UBE2U: variants seen among roughly 807,000 people sequenced by gnomAD.
UBE2U encodes ubiquitin conjugating enzyme E2 U, also known as ubiquitin-conjugating enzyme E2 U.
UBE2U carries 39 observed loss-of-function variants against 41.2 expected under a neutral mutation model. The ratio of observed to expected loss-of-function variants is 0.95; its 90% CI spans 0.73 to 1.24. The LOEUF (loss-of-function observed/expected upper bound fraction) is 1.24. UBE2U is among the 50% of genes most tolerant of loss of function. The probability of loss-of-function intolerance (pLI) is 0.00; values close to 1 mark genes in which losing one functional copy is unlikely to be tolerated. For missense variants in UBE2U, 336 were observed against 363.1 expected (o/e 0.93, Z 0.61); for synonymous variants, 107 against 117.8 (o/e 0.91, Z 0.60).
At chr1:64,245,682 T>A (rs1473639249) in intron 8 of UBE2U, among the ~76,000 whole-genome samples, 1 of 152,106 alleles carries the variant, frequency 6.6e-6, no homozygotes. Flanking sequence ...TAACCCACAA[T>A]AATACCCATC....
At chr1:64,262,784 C>G (rs1190154875) in intron 9 of UBE2U, among the ~76,000 whole-genome samples, 1 of 152,168 alleles carries the variant, frequency 6.6e-6, no homozygotes, top group African/African-American at 2.4e-5. Context: ...GGAGTTTACA[C>G]TCAGGTGTAA....
chr1:64,255,005 A>T (rs568399463), intron 8 of UBE2U, among the ~76,000 whole-genome samples: 1 of 152,172 alleles, frequency 6.6e-6, no homozygotes, highest in East Asian at 1.9e-4. Context: ...AAAAAAAATT[A>T]ATAAAATAGA....
intron 7 of UBE2U, among the ~76,000 whole-genome samples, chr1:64,237,937 T>G (rs985489815): frequency 6.6e-6 from 1 of 152,176 alleles, no homozygotes; most frequent in Non-Finnish European, 1.5e-5. Flanking sequence ...TATCCTTAAA[T>G]AGAAACCTCA....
At chr1:64,209,633 A>G (rs1207668011) in intron 3 of UBE2U, among the ~76,000 whole-genome samples, 1 of 152,162 alleles carries the variant, frequency 6.6e-6, no homozygotes, top group African/African-American at 2.4e-5. Flanking sequence ...ATAATTACAT[A>G]TGAACTTGAG....
rs149074168 is a variant in UBE2U at position 64,263,099 on chromosome 1, A to G, written c.769+2405A>G. ...TGGAAGAGACAACATTTTAAGTTTA[A>G]TGTCCAGAAACTGGTTAGCGCTCCA... is the stretch of plus-strand genomic sequence containing the variant. On this transcript the variant is annotated intron_variant, in intron 9 of 9. Transcript: ENST00000371077. 9.1e-4 allele frequency among the ~76,000 whole-genome samples: 138 copies of G among 152,316 alleles called. 1 individual carries two copies. The highest frequency in any genetic ancestry group is 1.7e-3 in the Non-Finnish European group (113 of 68,032).
chr1:64,251,632 C>T (rs1249377321), intron 8 of UBE2U, among the ~76,000 whole-genome samples: 1 of 152,078 alleles, frequency 6.6e-6, no homozygotes, highest in Non-Finnish European at 1.5e-5. Flanking sequence ...ATCCCCACCC[C>T]AAGACAAGGG....
intron 9 of UBE2U, among the ~76,000 whole-genome samples, chr1:64,262,657 G>A (rs1645195541): frequency 6.6e-6 from 1 of 152,212 alleles, no homozygotes; most frequent in Non-Finnish European, 1.5e-5. Context: ...TTTAGAGCAA[G>A]TCTGATAGCA....
chr1:64,257,442 C>T (rs553936978), intron 8 of UBE2U, among the ~76,000 whole-genome samples: 10 of 152,144 alleles, frequency 6.6e-5, no homozygotes, highest in Middle Eastern at 3.4e-3. Flanking sequence ...CAAAAAAGAA[C>T]GAGATCATGT....
At chr1:64,225,452 T>C (rs904865901) in intron 6 of UBE2U, among the ~76,000 whole-genome samples, 1 of 152,224 alleles carries the variant, frequency 6.6e-6, no homozygotes, top group African/African-American at 2.4e-5. Context: ...AATTTTATTA[T>C]ACCAGGTAAG....
At chr1:64,239,460 C>T (rs1644795984) in intron 7 of UBE2U, among the ~76,000 whole-genome samples, 1 of 151,818 alleles carries the variant, frequency 6.6e-6, no homozygotes, top group South Asian at 2.1e-4. Context: ...TGTTGGTGTG[C>T]TGCACCCATT....
intron 8 of UBE2U, among the ~76,000 whole-genome samples, chr1:64,246,473 C>A (rs959887113): frequency 6.6e-6 from 1 of 152,092 alleles, no homozygotes; most frequent in South Asian, 2.1e-4. Flanking sequence ...GTATTTAATG[C>A]ATTTTTTAAG....
At position 64,221,053 on chromosome 1, in the gene UBE2U, A is replaced by G. The variant is rs560788368; in HGVS notation, c.506+146A>G. Reference sequence around the variant, plus strand: ...TCTTTTTAAAATATTGTTTTCAGAAAGAACATGGAAAATTTTGAATTCTTT... The same window carrying G: ...TCTTTTTAAAATATTGTTTTCAGAAGGAACATGGAAAATTTTGAATTCTTT... On this transcript the variant is annotated intron_variant, in intron 6 of 9. Coordinates refer to ENST00000371077, the MANE Select transcript of UBE2U (RefSeq NM_001366232.2). The G allele has an allele frequency of 1.3e-4, 79 of 595,968 alleles. No homozygotes were observed. The African/African-American group carries it at 1.3e-3, about 10-fold the overall frequency. The allele number at this position is 595,968 out of a possible 1,614,324, so 36.9% of individuals were successfully genotyped here. A position where few individuals can be genotyped will look rare whatever the true frequency, so the allele number is the denominator to read the frequency against.
At chr1:64,241,464 T>C (rs1241369361) in intron 7 of UBE2U, among the ~76,000 whole-genome samples, 188 bp from the exon 8 acceptor site, 2 of 152,280 alleles carry the variant, frequency 1.3e-5, no homozygotes, top group Middle Eastern at 3.4e-3. Context: ...CAATATCTAA[T>C]ATTATGATGT....
At chr1:64,227,550 C>T (rs987740274) in intron 6 of UBE2U, among the ~76,000 whole-genome samples, 5 of 152,040 alleles carry the variant, frequency 3.3e-5, no homozygotes, top group Non-Finnish European at 5.9e-5. Flanking sequence ...GCCTGTAATC[C>T]CACCACTTTG....
Position 64,204,448 on chromosome 1 carries a change from T to C in UBE2U, c.66+332T>C, listed in dbSNP as rs910211701. 3.9e-5 allele frequency among the ~76,000 whole-genome samples: 6 copies of C among 152,302 alleles called. 1 individual carries two copies. The highest frequency in any genetic ancestry group is 1.4e-4 in the African/African-American group (6 of 41,562). ...TTATAATACTATACAATAAGTAGTA[T>C]TTCATTTTACTTACCAAAAACCTAA... On this transcript the variant is annotated intron_variant, in intron 1 of 9. Transcript: ENST00000371077.
At chr1:64,237,304 G>GAAAAAAAAAAA (rs35861714) in intron 7 of UBE2U, among the ~76,000 whole-genome samples, 1 of 95,766 alleles carries the variant, frequency 1.0e-5, no homozygotes, top group Admixed American at 1.2e-4. Flanking sequence ...ATGTATCATA[G>GAAAAAAAAAAA]AAAAAAAAAA....
chr1:64,239,098 A>AAGAAGAAGAAGAAGAAGAAGAAG (rs1557729702), intron 7 of UBE2U, among the ~76,000 whole-genome samples: 2 of 26,106 alleles, frequency 7.7e-5, no homozygotes, highest in African/African-American at 2.8e-4. Context: ...AAGAGGAAGA[A>AAGAAGAAGAAGAAGAAGAAGAAG]GAAGAAGAAG....
intron 9 of UBE2U, 98 bp downstream of exon 9, chr1:64,260,792 A>G: frequency 2.2e-6 from 2 of 895,436 alleles, no homozygotes; most frequent in Non-Finnish European, 1.7e-6. Flanking sequence ...AAGTTGGAAT[A>G]TATGAGGGCT....
At chr1:64,263,567 G>T (rs1245620744) in intron 9 of UBE2U, among the ~76,000 whole-genome samples, 1 of 152,200 alleles carries the variant, frequency 6.6e-6, no homozygotes, top group African/African-American at 2.4e-5. Flanking sequence ...ATGTCACTAA[G>T]ATTTTGTGGT....
Sources: allele counts gnomAD v4.1 joint callset (sites outside exome capture counted in the v4.1 genomes callset), GRCh38; gene constraint gnomAD v4.1.1; transcripts MANE v1.5; gene names NCBI Gene and HGNC (gene_info 2026-07-23, HGNC 2026-07-21).